The following ADAM23 variants were observed in gnomAD, a reference collection of about 807,000 sequenced individuals.
ADAM23 encodes disintegrin and metalloproteinase domain-containing protein 23.
A neutral mutation model predicts 120.1 loss-of-function variants in ADAM23; 33 were observed. That is an observed-to-expected ratio of 0.27 (90% CI 0.21 to 0.37). ADAM23 has a LOEUF of 0.37. Among genes scored for constraint, ADAM23 ranks in the 10% least tolerant of loss-of-function variants. The pLI is 1.00. For synonymous variants in ADAM23, 367 were observed against 375.2 expected (o/e 0.98, Z 0.25); for missense variants, 862 against 1,058.2 (o/e 0.81, Z 2.57).
intron 2 of ADAM23, among the ~76,000 whole-genome samples, chr2:206,464,352 A>G (rs1345296265): frequency 3.9e-5 from 6 of 152,160 alleles, no homozygotes; most frequent in Non-Finnish European, 8.8e-5. Flanking sequence ...AGACGGGTGG[A>G]TCACCTGAGG....
intron 3 of ADAM23, among the ~76,000 whole-genome samples, chr2:206,500,356 T>C (rs1696362236): frequency 6.6e-6 from 1 of 152,158 alleles, no homozygotes; most frequent in African/African-American, 2.4e-5. Flanking sequence ...ATTCCTTAGA[T>C]ATTACTCCAC....
chr2:206,613,507 T>C (rs1698875473), intron 25 of ADAM23, among the ~76,000 whole-genome samples: 1 of 152,180 alleles, frequency 6.6e-6, no homozygotes. Context: ...TTGCTCTACT[T>C]CTATATCTGC....
At chr2:206,488,064 G>T (rs1696054503) in intron 3 of ADAM23, among the ~76,000 whole-genome samples, 1 of 152,232 alleles carries the variant, frequency 6.6e-6, no homozygotes, top group African/African-American at 2.4e-5. Context: ...GCAGTACTTT[G>T]CTCGTTAAAA....
At chr2:206,549,613 T>C (rs905813198) in intron 8 of ADAM23, among the ~76,000 whole-genome samples, 1 of 152,026 alleles carries the variant, frequency 6.6e-6, no homozygotes. Context: ...AGTGAGTTAA[T>C]GTTTCTATTT....
At chr2:206,508,269 G>T (rs1019186363) in intron 3 of ADAM23, among the ~76,000 whole-genome samples, 11 of 152,076 alleles carry the variant, frequency 7.2e-5, no homozygotes, top group African/African-American at 2.4e-4. Context: ...CTCGTGATCC[G>T]CCCACCTTGG....
At chr2:206,598,062 A>T (rs1698563953) in intron 24 of ADAM23, among the ~76,000 whole-genome samples, 1 of 152,218 alleles carries the variant, frequency 6.6e-6, no homozygotes, top group Admixed American at 6.5e-5. Flanking sequence ...AACGTATTCC[A>T]CTTTTACACT....
At chr2:206,549,848 T>TA (rs1389049612) in intron 8 of ADAM23, among the ~76,000 whole-genome samples, 1 of 152,114 alleles carries the variant, frequency 6.6e-6, no homozygotes, top group Non-Finnish European at 1.5e-5. Context: ...CATGGACTGT[T>TA]TTCTATGTTG....
At chr2:206,617,219 T>C (rs3770984) in intron 25 of ADAM23, among the ~76,000 whole-genome samples, 74,472 of 151,966 alleles carry the variant, frequency 0.49, 18,825 homozygotes, top group East Asian at 0.57. Flanking sequence ...ATAGGCTCCT[T>C]CATGGAAGAG....
intron 20 of ADAM23, 71 bp from the exon 21 acceptor site, chr2:206,589,338 C>T (rs761144707): frequency 3.8e-6 from 5 of 1,300,928 alleles, no homozygotes; most frequent in Non-Finnish European, 5.3e-6. Context: ...TAAACACTTA[C>T]TGGCACACTA....
At chr2:206,577,145 C>T (rs1029241959) in intron 18 of ADAM23, among the ~76,000 whole-genome samples, 1 of 152,064 alleles carries the variant, frequency 6.6e-6, no homozygotes, top group East Asian at 1.9e-4. Flanking sequence ...TAATTTCCCT[C>T]GTTAAACATT....
rs771203784 is a variant in ADAM23 at position 206,565,032 on chromosome 2, C to T, written c.1358C>T (p.Thr453Ile). 5.6e-6 allele frequency: 9 copies of T among 1,613,966 alleles called. No individual in the cohort carries two copies. The East Asian group carries it at 1.6e-4, about 28-fold the overall frequency. Reference protein sequence around the residue: ...PSSRKPKCDCTESWGGCIMEE... With the variant: ...PSSRKPKCDCIESWGGCIMEE... ...TTTATTGGACCAGAATGTGACTGCA[C>T]AGAATCCTGGGGTGGCTGCATCATG... Residue 453 changes from threonine to isoleucine, a missense_variant, in exon 14 of 26, where the codon ACA (threonine) becomes ATA (isoleucine). Thr to Ile is a moderately conservative substitution (Grantham distance 89, BLOSUM62 -1). Transcript: ENST00000264377.
chr2:206,460,202 T>A (rs1695387278), intron 2 of ADAM23, among the ~76,000 whole-genome samples: 6 of 152,192 alleles, frequency 3.9e-5, no homozygotes, highest in Admixed American at 3.3e-4. Flanking sequence ...AAGTGCTCTT[T>A]ATGTTTGTGT....
Position 206,445,446 on chromosome 2 carries a change from ATAT to A in ADAM23, c.357_359del (p.Tyr120del), listed in dbSNP as rs1021854599. 6.2e-7 allele frequency: 1 copy of A among 1,614,074 alleles called. No individual in the cohort carries two copies. The highest frequency in any genetic ancestry group is 8.5e-7 in the Non-Finnish European group (1 of 1,180,024). Reference sequence around the variant, plus strand: ...AAATCACACTGCCTTCAAGACTCATATATTACATCAACCAAGACTCGGAAAGCC... The same window carrying A: ...AAATCACACTGCCTTCAAGACTCATATACATCAACCAAGACTCGGAAAGCC... On this transcript the variant is annotated inframe_deletion, in exon 2 of 26. Transcript: ENST00000264377.
chr2:206,531,256 A>G lies in ADAM23; in HGVS notation c.573+308A>G, dbSNP rs189628973. Among the ~76,000 whole-genome samples the G allele has an allele frequency of 2.3e-3, 356 of 152,336 alleles. 3 individuals carry two copies. The highest frequency in any genetic ancestry group is 9.3e-3 in the South Asian group (45 of 4,832). On this transcript the variant is annotated intron_variant, in intron 4 of 25. Transcript: ENST00000264377. ...GTAAAGAAGGATGAGGCTCATGGCC[A>G]TCGAATCTGGATTAGAAGACTGGAT... is the stretch of plus-strand genomic sequence containing the variant.
chr2:206,487,717 G>T (rs1313574494), intron 3 of ADAM23, among the ~76,000 whole-genome samples: 3 of 152,368 alleles, frequency 2.0e-5, no homozygotes, highest in African/African-American at 7.2e-5. Flanking sequence ...AGAGAGGAAA[G>T]AATTCTTAGG....
chr2:206,460,087 C>G (rs1263150444), intron 2 of ADAM23, among the ~76,000 whole-genome samples: 1 of 149,540 alleles, frequency 6.7e-6, no homozygotes, highest in Admixed American at 6.8e-5. Flanking sequence ...CCAGGGATTT[C>G]CCATCTACTC....
At chr2:206,533,675 G>A (rs1272830080) in intron 4 of ADAM23, among the ~76,000 whole-genome samples, 1 of 152,164 alleles carries the variant, frequency 6.6e-6, no homozygotes, top group Non-Finnish European at 1.5e-5. Flanking sequence ...TTGCAAAGAG[G>A]GTTGTCTAGG....
chr2:206,564,066 G>A (rs1418923320), intron 13 of ADAM23, among the ~76,000 whole-genome samples: 2 of 151,884 alleles, frequency 1.3e-5, no homozygotes, highest in African/African-American at 2.4e-5. Flanking sequence ...GTTTGTTTAG[G>A]TAGCTATTTC....
chr2:206,500,135 T>G (rs1209601801), intron 3 of ADAM23, among the ~76,000 whole-genome samples: 1 of 152,190 alleles, frequency 6.6e-6, no homozygotes, highest in Non-Finnish European at 1.5e-5. Context: ...AGGCCCAGAA[T>G]ATAAGGCTAG....
Sources: gnomAD v4.1 joint callset for allele counts (sites outside exome capture counted in the v4.1 genomes callset) on GRCh38, gnomAD v4.1.1 for gene constraint, MANE v1.5 for transcripts, NCBI Gene and HGNC (gene_info 2026-07-23, HGNC 2026-07-21) for gene names.